Variants in SPON2 observed in about 807,000 individuals in gnomAD.
The protein encoded by SPON2 is spondin 2, also known as spondin-2.
Under a neutral mutation model 29.9 loss-of-function variants are expected in SPON2, and 32 were observed. That is an observed-to-expected ratio of 1.07 (90% confidence interval 0.81 to 1.44). The LOEUF (loss-of-function observed/expected upper bound fraction) is 1.44, where lower values mean the gene tolerates loss of function less well. SPON2 is among the 40% of genes most tolerant of loss of function. The pLI, the probability that SPON2 is intolerant of heterozygous loss-of-function variation, is 0.00. For synonymous variants in SPON2, 248 were observed against 209.1 expected (o/e 1.19, Z -1.61); for missense variants, 541 against 455.5 (o/e 1.19, Z -1.71).
intron 1 of SPON2, among the ~76,000 whole-genome samples, chr4:1,182,642 G>A (rs1727719765): frequency 6.6e-6 from 1 of 152,124 alleles, no homozygotes; most frequent in South Asian, 2.1e-4. Context: ...GGAGAAGAGA[G>A]ACTGAAAGAG....
intron 1 of SPON2, among the ~76,000 whole-genome samples, chr4:1,206,913 G>C (rs1728355261): frequency 6.6e-6 from 1 of 151,578 alleles, no homozygotes; most frequent in Non-Finnish European, 1.5e-5. Flanking sequence ...ATGGAGGGTG[G>C]GAGGAGATAG....
At chr4:1,206,673 G>A (rs958391618) in intron 1 of SPON2, among the ~76,000 whole-genome samples, 3 of 152,184 alleles carry the variant, frequency 2.0e-5, no homozygotes, top group Non-Finnish European at 4.4e-5. Flanking sequence ...AGGCGGAGAG[G>A]GGAGGCAGGG....
chr4:1,208,669 G>A (rs1463764964), upstream of SPON2: 1 of 152,314 alleles, frequency 6.6e-6, no homozygotes, highest in Admixed American at 6.5e-5. Context: ...CCTCTCTGCC[G>A]ACCTTTCTTG....
At position 1,171,277 on chromosome 4, in the gene SPON2, G is replaced by T. The variant is rs776974345; in HGVS notation, c.430C>A (p.Arg144Ser). The change falls in exon 3 of 6, where the codon CGC (arginine) becomes AGC (serine). Residue 144 changes from arginine to serine, a missense_variant. Transcript: ENST00000290902. ...CCCGCGCTCACCAGCGAGTGCCTGCGCTGCACCTCCAGCTCCGCCGACGTC... is the reference window on the plus strand; with the variant it reads ...CCCGCGCTCACCAGCGAGTGCCTGCTCTGCACCTCCAGCTCCGCCGACGTC... ...GQTSAELEVQ[R>S]RHSLVSFVVR... 2 of 1,545,104 alleles carry T rather than the reference G, an allele frequency of 1.3e-6. No homozygotes were observed. The highest frequency in any genetic ancestry group is 2.5e-5 in the East Asian group (1 of 40,376).
chr4:1,175,484 C>T (rs1727575068), upstream of SPON2, among the ~76,000 whole-genome samples: 1 of 152,082 alleles, frequency 6.6e-6, no homozygotes, highest in African/African-American at 2.4e-5. Context: ...GCTGGGGGGT[C>T]TCCAGCTAGG....
chr4:1,186,991 A>G (rs1399350406), intron 1 of SPON2, among the ~76,000 whole-genome samples: 1 of 152,262 alleles, frequency 6.6e-6, no homozygotes, highest in Admixed American at 6.5e-5. Context: ...AATTAGAAAT[A>G]GAATGACTGT....
Position 1,172,020 on chromosome 4 carries a change from G to C in SPON2, c.52C>G (p.Leu18Val). 6.2e-7 allele frequency: 1 copy of C among 1,612,764 alleles called. No homozygotes were observed. The highest frequency in any genetic ancestry group is 1.1e-5 in the South Asian group (1 of 91,066). Reference protein sequence around the residue: ...AALGKALCALLLATLGAAGQP... With the variant: ...AALGKALCALVLATLGAAGQP... ...CCGGCGGCGCCGAGAGTGGCCAGGA[G>C]GAGAGCGCAGAGGGCCTTGCCCAGG... The change falls in exon 2 of 6, where the codon CTC becomes GTC. Residue 18 changes from leucine (L) to valine (V), a missense_variant. Leu to Val is a conservative substitution (Grantham distance 32). Transcript: ENST00000290902.
chr4:1,202,209 C>T lies in SPON2; in HGVS notation c.-234+5671G>A, dbSNP rs1424217786. ...GCCAAGGTTGGGTTCTCCTCTTCCA[C>T]GATGGCCCTTGCACGTCGCATCCTC... On this transcript the variant is annotated intron_variant, in intron 1 of 3. Transcript: ENST00000509233. This position sits in a 1 kb window ranked among gnomAD's most constrained non-coding sequence, Gnocchi z 5.4. 6.6e-6 allele frequency among the ~76,000 whole-genome samples: 1 copy of T among 152,220 alleles called. No homozygotes were observed. Among genetic ancestry groups the T allele is most frequent in the Admixed American group, 6.5e-5 (1 of 15,290 alleles).
upstream of SPON2, among the ~76,000 whole-genome samples, chr4:1,197,928 G>A (rs1728104783): frequency 6.6e-6 from 1 of 151,844 alleles, no homozygotes. Context: ...CGTGCCCGTA[G>A]TCCCAGCTAC....
chr4:1,173,438 C>T (rs1176311382), upstream of SPON2, among the ~76,000 whole-genome samples: 3 of 152,168 alleles, frequency 2.0e-5, no homozygotes, highest in Non-Finnish European at 2.9e-5. Flanking sequence ...GGGCTGCAGG[C>T]CGGCGGTGTG....
At chr4:1,201,718 G>C (rs1728212410) in intron 1 of SPON2, among the ~76,000 whole-genome samples, 1 of 152,130 alleles carries the variant, frequency 6.6e-6, no homozygotes, top group African/African-American at 2.4e-5. Flanking sequence ...GAGTAGCTGG[G>C]ATTACAGGCG....
At chr4:1,175,018 C>T (rs1184796218), upstream of SPON2, among the ~76,000 whole-genome samples, 1 of 152,238 alleles carries the variant, frequency 6.6e-6, no homozygotes, top group African/African-American at 2.4e-5. Context: ...ATCTCAGGCC[C>T]TCCACGAGTC....
At chr4:1,195,832 G>A (rs1228198852), upstream of SPON2, among the ~76,000 whole-genome samples, 1 of 152,022 alleles carries the variant, frequency 6.6e-6, no homozygotes, top group African/African-American at 2.4e-5. Flanking sequence ...GAGCGGTCTC[G>A]CTGTGTTGCA....
At chr4:1,187,612 G>T (rs995537965) in intron 1 of SPON2, among the ~76,000 whole-genome samples, 2 of 151,968 alleles carry the variant, frequency 1.3e-5, no homozygotes, top group African/African-American at 4.8e-5. Context: ...ATGCCCTAGG[G>T]ATTACAATTA....
chr4:1,194,458 G>C (rs1168699533), intron 1 of SPON2, among the ~76,000 whole-genome samples: 2 of 152,064 alleles, frequency 1.3e-5, no homozygotes, highest in Admixed American at 1.3e-4. Flanking sequence ...GTGCCCTGCA[G>C]GGGGAGTGGG....
At chr4:1,192,707 G>C (rs955745008) in intron 1 of SPON2, among the ~76,000 whole-genome samples, 5 of 152,154 alleles carry the variant, frequency 3.3e-5, no homozygotes, top group African/African-American at 9.7e-5. Flanking sequence ...GGAAGGCTTG[G>C]GGGGTACGGC....
intron 1 of SPON2, among the ~76,000 whole-genome samples, chr4:1,190,754 T>C (rs1727896211): frequency 6.6e-6 from 1 of 152,092 alleles, no homozygotes; most frequent in South Asian, 2.1e-4. Context: ...GAGAAATGAG[T>C]TCTGCAAGGC....
intron 1 of SPON2, among the ~76,000 whole-genome samples, chr4:1,188,163 A>C (rs1381244961): frequency 6.7e-6 from 1 of 149,108 alleles, no homozygotes; most frequent in African/African-American, 2.5e-5. Context: ...GTGAGCCAAG[A>C]TCACACCACT....
rs765534785 is a variant in SPON2 at position 1,171,294 on chromosome 4, G to A, written c.413C>T (p.Ala138Val). The A allele has an allele frequency of 8.2e-6, 13 of 1,581,214 alleles. No individual in the cohort carries two copies. The highest frequency in any genetic ancestry group is 1.4e-5 in the African/African-American group (1 of 73,430). The change falls in exon 3 of 6, where the codon GCG (alanine) becomes GTG (valine). Residue 138 changes from alanine (A) to valine (V), a missense_variant. Physicochemically the swap from Ala to Val is moderately conservative, Grantham distance 64. Transcript: ENST00000290902. Reference sequence around the variant, plus strand: ...GTGCCTGCGCTGCACCTCCAGCTCCGCCGACGTCTGCCCGGTGCCGCTGGG... The same window carrying A: ...GTGCCTGCGCTGCACCTCCAGCTCCACCGACGTCTGCCCGGTGCCGCTGGG... Reference protein sequence around the residue: ...AVPSGTGQTSAELEVQRRHSL... With the variant: ...AVPSGTGQTSVELEVQRRHSL...
Sources: allele counts gnomAD v4.1 joint callset (sites outside exome capture counted in the v4.1 genomes callset), GRCh38; gene constraint gnomAD v4.1.1; non-coding constraint Gnocchi (gnomAD v3.1); transcripts MANE v1.5; gene names NCBI Gene and HGNC (gene_info 2026-07-23, HGNC 2026-07-21).